The following HAS1 variants were observed in gnomAD, a reference collection of about 807,000 sequenced individuals.
HAS1 encodes the protein HA synthase 1.
HAS1 carries 27 observed loss-of-function variants against 35.0 expected under a neutral mutation model. The observed-to-expected ratio is 0.77, with a 90% confidence interval of 0.57 to 1.06. HAS1 has a LOEUF of 1.06. HAS1 is among the 50% of genes least tolerant of loss of function. HAS1 has a pLI of 0.00. For missense variants in HAS1, 940 were observed against 814.8 expected, an observed-to-expected ratio of 1.15 and a Z score of -1.87; for synonymous variants, 409 against 371.2, an observed-to-expected ratio of 1.10 and a Z score of -1.17.
At chr19:51,720,745 C>T (rs1190569416) in intron 1 of HAS1, among the ~76,000 whole-genome samples, 1 of 152,100 alleles carries the variant, frequency 6.6e-6, no homozygotes, top group Non-Finnish European at 1.5e-5. Flanking sequence ...AGGCATGAGC[C>T]ACCAAGCCCA....
rs747733820 is a variant in HAS1 at position 51,719,337 on chromosome 19, G to A, written c.568C>T (p.Pro190Ser). 17 of 1,611,874 alleles carry A rather than the reference G, an allele frequency of 1.1e-5. No individual in the cohort carries two copies. The highest frequency in any genetic ancestry group is 1.4e-5 in the Non-Finnish European group (17 of 1,179,120). Residue 190 changes from proline (P) to serine (S), a missense_variant, in exon 2 of 5, where the codon CCT (proline) becomes TCT (serine). Coordinates refer to ENST00000540069, the MANE Select transcript of HAS1 (RefSeq NM_001297436.2). ...AGCGCCTCCACTGCCAGCCGCCCAGGATCCTCCGCCTCCACCTCCCGATAG... is the reference window on the plus strand; with the variant it reads ...AGCGCCTCCACTGCCAGCCGCCCAGAATCCTCCGCCTCCACCTCCCGATAG... ...GAYREVEAED[P>S]GRLAVEALVR...
intron 1 of HAS1, among the ~76,000 whole-genome samples, chr19:51,723,377 C>G (rs1295682987): frequency 6.6e-6 from 1 of 152,170 alleles, no homozygotes; most frequent in East Asian, 1.9e-4. Context: ...ATGGGATGCA[C>G]AGGGAAGATT....
Position 51,713,368 on chromosome 19 carries a change from C to T in HAS1, c.*59G>A, listed in dbSNP as rs2083553244. On this transcript the variant is annotated 3_prime_UTR_variant, in exon 5 of 5. Coordinates refer to ENST00000540069, the MANE Select transcript of HAS1 (RefSeq NM_001297436.2). This position sits in a 1 kb window ranked among gnomAD's most constrained non-coding sequence, Gnocchi z 4.5. ...CCCAGCAAGTTCGTGGCTCGGGGCC[C>T]AGCAGCTCTCCTCTGGCCTCCCCTG... is the stretch of plus-strand genomic sequence containing the variant. 7.1e-7 allele frequency: 1 copy of T among 1,413,388 alleles called. No homozygotes were observed. Among genetic ancestry groups the T allele is most frequent in the Middle Eastern group, 2.5e-4 (1 of 3,990 alleles). The allele number at this position is 1,413,388 out of a possible 1,614,324, so 87.6% of individuals were successfully genotyped here.
intron 1 of HAS1, among the ~76,000 whole-genome samples, chr19:51,723,336 C>T (rs2083643312): frequency 6.6e-6 from 1 of 152,200 alleles, no homozygotes; most frequent in South Asian, 2.1e-4. Flanking sequence ...TGGCCACAAA[C>T]ACACAGAGCC....
chr19:51,720,085 TCTCTCTCG>T (rs2083620255), intron 1 of HAS1, 190 bp from the exon 2 acceptor site: 6 of 541,840 alleles, frequency 1.1e-5, no homozygotes, highest in Non-Finnish European at 1.3e-5. Flanking sequence ...TGTCTCTCTC[TCTCTCTCG>T]CTCTCGCTCT....
At chr19:51,721,783 A>T (rs1373384057) in intron 1 of HAS1, among the ~76,000 whole-genome samples, 1 of 152,038 alleles carries the variant, frequency 6.6e-6, no homozygotes. Flanking sequence ...TAATAATAAT[A>T]ATAGAGACAG....
chr19:51,716,886 C>T, intron 3 of HAS1, 82 bp downstream of exon 3: 1 of 946,508 alleles, frequency 1.1e-6, no homozygotes, highest in Non-Finnish European at 1.7e-6. Flanking sequence ...TTCCCAACCC[C>T]AGTCACATCC....
chr19:51,719,128 G>A (rs1568627539), intron 2 of HAS1, 78 bp downstream of exon 2: 2 of 826,526 alleles, frequency 2.4e-6, no homozygotes. Flanking sequence ...ATTCAAATCT[G>A]TACATTGAAG....
In HAS1 at chr19:51,713,644, G is replaced by T. The variant is rs777913003; in HGVS notation, c.1517C>A (p.Ala506Glu). 1.9e-6 allele frequency: 3 copies of T among 1,569,188 alleles called. No homozygotes were observed. The highest frequency in any genetic ancestry group is 4.7e-5 in the East Asian group (2 of 42,106). The change falls in exon 5 of 5, where the codon GCG becomes GAG. Residue 506 changes from alanine (A) to glutamate (E), a missense_variant. Ala to Glu is a moderately radical substitution (Grantham distance 107, BLOSUM62 -1). Transcript: ENST00000540069. This position sits in a 1 kb window ranked among gnomAD's most constrained non-coding sequence, Gnocchi z 4.5. The part of the protein sequence containing the change: ...AANYVPLLPL[A>E]LWALLLLGGL... Reference sequence around the variant, plus strand: ...CCCAAGCAGCAGCAGCGCCCAGAGCGCCAGGGGCAGCAGAGGGACGTAGTT... The same window carrying T: ...CCCAAGCAGCAGCAGCGCCCAGAGCTCCAGGGGCAGCAGAGGGACGTAGTT...
At chr19:51,723,820 GCA>G in intron 1 of HAS1, 103 bp downstream of exon 1, 1 of 1,075,648 alleles carries the variant, frequency 9.3e-7, no homozygotes, top group African/African-American at 1.5e-5. Flanking sequence ...ATGAAATCAT[GCA>G]CACACAGTTC....
chr19:51,723,890 C>T (rs1320421255), intron 1 of HAS1, 35 bp downstream of exon 1: 1 of 1,337,348 alleles, frequency 7.5e-7, no homozygotes, highest in South Asian at 1.4e-5. Flanking sequence ...TGTATACACA[C>T]ACACACACAC....
At position 51,723,923 on chromosome 19, in the gene HAS1, A is replaced by C. The variant is rs868794900; in HGVS notation, c.9+2T>G. The stretch of plus-strand genomic sequence containing the variant: ...CACACACACACACACACACACACAC[A>C]CCTGTCTCATCGCAGTGGGTCTGGC... On this transcript the variant is annotated splice_donor_variant, in intron 1 of 4. Transcript: ENST00000540069. LOFTEE classifies it high-confidence loss of function. The C allele has an allele frequency of 7.2e-6, 11 of 1,526,280 alleles. No homozygotes were observed. The highest frequency in any genetic ancestry group is 2.8e-5 in the African/African-American group (2 of 70,450). 94.5% of individuals were successfully genotyped at this position (1,526,280 alleles called of 1,614,324 possible). A position where few individuals can be genotyped will look rare whatever the true frequency, so the allele number is the denominator to read the frequency against.
chr19:51,719,366 C>T lies in HAS1; in HGVS notation c.539G>A (p.Gly180Glu). 6.3e-7 allele frequency: 1 copy of T among 1,596,172 alleles called. No homozygotes were observed. The highest frequency in any genetic ancestry group is 1.7e-5 in the Admixed American group (1 of 57,148). ...EPAAAGAVGA[G>E]AYREVEAEDP... ...CTCCGCCTCCACCTCCCGATAGGCT[C>T]CGGCGCCCACCGCGCCCGCCGCCGC... is the stretch of plus-strand genomic sequence containing the variant. The change falls in exon 2 of 5, where the codon GGA becomes GAA. Residue 180 changes from glycine (G) to glutamate (E), a missense_variant. Gly to Glu is a moderately conservative substitution (Grantham distance 98). Coordinates refer to ENST00000540069, the MANE Select transcript of HAS1 (RefSeq NM_001297436.2).
intron 3 of HAS1, 100 bp from the exon 4 acceptor site, chr19:51,716,488 C>T: frequency 4.3e-6 from 4 of 931,528 alleles, no homozygotes; most frequent in Non-Finnish European, 6.4e-6. Context: ...GTTCCAACCC[C>T]ATCCTCAGTC....
Position 51,719,782 on chromosome 19 carries a change from G to C in HAS1, c.123C>G (p.Ala41=). Residue 41 remains alanine, a synonymous_variant, in exon 2 of 5, where the codon GCC becomes GCG. Coordinates refer to ENST00000540069, the MANE Select transcript of HAS1 (RefSeq NM_001297436.2). ...AGCGATCGGAGGCCAGCGGCACCCCGGCGGCGTAGGCCCAGGTCATGAGGC... is the reference window on the plus strand; with the variant it reads ...AGCGATCGGAGGCCAGCGGCACCCCCGCGGCGTAGGCCCAGGTCATGAGGC... The part of the protein sequence containing the change: ...ILGLMTWAYA[A]GVPLASDRYG... 6.4e-7 allele frequency: 1 copy of C among 1,560,158 alleles called. No individual in the cohort carries two copies.
Position 51,717,043 on chromosome 19 carries a change from A to G in HAS1, c.850T>C (p.Tyr284His), listed in dbSNP as rs2083591443. Residue 284 changes from tyrosine to histidine, a missense_variant, in exon 3 of 5, where the codon TAC becomes CAC. Coordinates refer to ENST00000540069, the MANE Select transcript of HAS1 (RefSeq NM_001297436.2). ...CGCTCCACATTGAAGGCTACCCAGT[A>G]TCGCAGGCTGCTTAGGAAGCTGACC... is the stretch of plus-strand genomic sequence containing the variant. The part of the protein sequence containing the change: ...SWVSFLSSLR[Y>H]WVAFNVERAC... 2 of 1,614,146 alleles carry G rather than the reference A, an allele frequency of 1.2e-6. No homozygotes were observed. The highest frequency in any genetic ancestry group is 4.5e-5 in the East Asian group (2 of 44,868).
chr19:51,716,353 C>T lies in HAS1; in HGVS notation c.961G>A (p.Glu321Lys). ...AGGAACTTCTGGTTGTACCAGGCCT[C>T]AAGAAACTGCTGCAAGAGGTTATTC... Reference protein sequence around the residue: ...YRNNLLQQFLEAWYNQKFLGT... With the variant: ...YRNNLLQQFLKAWYNQKFLGT... The change falls in exon 4 of 5, where the codon GAG becomes AAG. Residue 321 changes from glutamate (E) to lysine (K), a missense_variant. Coordinates refer to ENST00000540069, the MANE Select transcript of HAS1 (RefSeq NM_001297436.2). 6.2e-7 allele frequency: 1 copy of T among 1,613,880 alleles called. No individual in the cohort carries two copies. Among genetic ancestry groups the T allele is most frequent in the South Asian group, 1.1e-5 (1 of 91,070 alleles).
Position 51,713,764 on chromosome 19 carries a change from AG to A in HAS1, c.1396del (p.Leu466SerfsTer14). 6.2e-7 allele frequency: 1 copy of A among 1,604,980 alleles called. No homozygotes were observed. ...RMVLLSLYAP[L>X]YMCGLLPAKF... ...GGCAGGCAGGAGGCCACACATGTAGAGGGGCGCGTAGAGCGACAGAAGCACC... is the reference window on the plus strand; with the variant it reads ...GGCAGGCAGGAGGCCACACATGTAGAGGGCGCGTAGAGCGACAGAAGCACC... On this transcript the variant is annotated frameshift_variant, in exon 5 of 5. Coordinates refer to ENST00000540069, the MANE Select transcript of HAS1 (RefSeq NM_001297436.2). LOFTEE classifies it low-confidence loss of function (END_TRUNC). The surrounding 1 kb of genome is among the most constrained non-coding windows in gnomAD (Gnocchi z 4.5).
At chr19:51,719,174 G>C in intron 2 of HAS1, 32 bp downstream of exon 2, 1 of 1,401,756 alleles carries the variant, frequency 7.1e-7, no homozygotes, top group Non-Finnish European at 9.6e-7. Context: ...GGGTGTTCGG[G>C]TCACGAGTGG....
Sources: allele counts gnomAD v4.1 joint callset (sites outside exome capture counted in the v4.1 genomes callset), GRCh38; gene constraint gnomAD v4.1.1; non-coding constraint Gnocchi (gnomAD v3.1); transcripts MANE v1.5; gene names NCBI Gene and HGNC (gene_info 2026-07-23, HGNC 2026-07-21).